Variants in FAM81A observed in about 807,000 individuals in gnomAD.
The protein encoded by FAM81A is family with sequence similarity 81 member A.
Under a neutral mutation model 46.7 loss-of-function variants are expected in FAM81A, and 19 were observed. The ratio of observed to expected loss-of-function variants is 0.41; its 90% CI spans 0.28 to 0.60. The LOEUF (loss-of-function observed/expected upper bound fraction) is 0.60. FAM81A is among the 20% of genes least tolerant of loss of function. The pLI is 0.34. For missense variants in FAM81A, 377 were observed against 453.5 expected (o/e 0.83, Z 1.53); for synonymous variants, 183 against 152.9 (o/e 1.20, Z -1.45).
intron 1 of FAM81A, among the ~76,000 whole-genome samples, chr15:59,399,477 C>G (rs1303954714): frequency 3.3e-5 from 5 of 152,034 alleles, no homozygotes; most frequent in Non-Finnish European, 7.4e-5. Context: ...AACATTGAAC[C>G]CAGCTGTAAG....
chr15:59,411,830 C>A (rs1162190341), intron 2 of FAM81A, among the ~76,000 whole-genome samples: 1 of 152,122 alleles, frequency 6.6e-6, no homozygotes, highest in Non-Finnish European at 1.5e-5. Flanking sequence ...AGGAGAGTCC[C>A]TTGAACCCAG....
intron 8 of FAM81A, 21 bp downstream of exon 8, chr15:59,516,861 C>T (rs760182660): frequency 1.1e-5 from 17 of 1,556,484 alleles, no homozygotes; most frequent in Non-Finnish European, 1.5e-5. Context: ...ACCAGAACAG[C>T]TCACGTGCTT....
At chr15:59,486,037 G>C (rs1423884673) in intron 3 of FAM81A, among the ~76,000 whole-genome samples, 1 of 152,182 alleles carries the variant, frequency 6.6e-6, no homozygotes, top group African/African-American at 2.4e-5. Flanking sequence ...AAATTAGCCA[G>C]GTGTGGTGGT....
chr15:59,411,558 C>G (rs114860930), intron 2 of FAM81A, among the ~76,000 whole-genome samples: 46 of 152,296 alleles, frequency 3.0e-4, no homozygotes, highest in African/African-American at 1.1e-3. Flanking sequence ...ACAAAAGTTT[C>G]AGAAACTTTC....
intron 2 of FAM81A, among the ~76,000 whole-genome samples, chr15:59,406,318 C>T (rs540533580): frequency 1.5e-4 from 23 of 152,286 alleles, no homozygotes; most frequent in African/African-American, 4.3e-4. Flanking sequence ...TTATGAGATA[C>T]GCACTATCAT....
rs5812977 is a variant in FAM81A, at chr15:59,430,254, C to CTT, written c.-78+27923_-78+27924dup. 2.8e-3 allele frequency among the ~76,000 whole-genome samples: 249 copies of CTT among 87,464 alleles called. 11 individuals carry two copies. The highest frequency in any genetic ancestry group is 8.2e-3 in the African/African-American group (173 of 21,196). The allele number at this position is 87,464 out of a possible 152,430, so 57.4% of individuals were successfully genotyped here. On this transcript the variant is annotated intron_variant, in intron 2 of 4. Coordinates refer to the FAM81A transcript ENST00000558348. Reference sequence around the variant, plus strand: ...GCACCAAATACACAGACCTATTTCCCTTTTTTTTTTTTTTTTTTTTTTTTT... The same window carrying CTT: ...GCACCAAATACACAGACCTATTTCCCTTTTTTTTTTTTTTTTTTTTTTTTTTT...
rs542818653 is a variant in FAM81A, at chr15:59,497,814, G to A, written c.413+5425G>A. On this transcript the variant is annotated intron_variant, in intron 4 of 8. Transcript: ENST00000288228. Reference sequence around the variant, plus strand: ...TCACTGCACTTCAACCAGGGTGACAGAGCAAGACCCTGTTTCAAAAAAAAT... The same window carrying A: ...TCACTGCACTTCAACCAGGGTGACAAAGCAAGACCCTGTTTCAAAAAAAAT... 2.0e-5 allele frequency among the ~76,000 whole-genome samples: 3 copies of A among 152,300 alleles called. No individual in the cohort carries two copies. The East Asian group carries it at 5.8e-4, about 29-fold the overall frequency.
chr15:59,402,751 A>G (rs28491525), intron 2 of FAM81A, among the ~76,000 whole-genome samples: 1 of 151,702 alleles, frequency 6.6e-6, no homozygotes, highest in Non-Finnish European at 1.5e-5. Flanking sequence ...ATGGGGTTTC[A>G]CCATGTTAGC....
intron 3 of FAM81A, among the ~76,000 whole-genome samples, chr15:59,476,294 C>A (rs2081767189): frequency 6.6e-6 from 1 of 151,282 alleles, no homozygotes; most frequent in Non-Finnish European, 1.5e-5. Context: ...ATGATCATGG[C>A]TCACTGCAGC....
upstream of FAM81A, chr15:59,438,116 G>T (rs2081256203): frequency 1.4e-5 from 2 of 146,212 alleles, 1 homozygote; most frequent in South Asian, 4.2e-4. Context: ...CCGCGAACCC[G>T]GCCGGGCCGC....
At chr15:59,492,054 G>A (rs1043368426) in intron 3 of FAM81A, among the ~76,000 whole-genome samples, 7 of 152,160 alleles carry the variant, frequency 4.6e-5, no homozygotes, top group African/African-American at 1.7e-4. Context: ...AGTTTTTAAT[G>A]GTAAATAAAG....
chr15:59,483,370 A>G (rs1438753645), intron 3 of FAM81A, among the ~76,000 whole-genome samples: 1 of 152,162 alleles, frequency 6.6e-6, no homozygotes, highest in Non-Finnish European at 1.5e-5. Flanking sequence ...CAGTGCCTCA[A>G]GCAGGTTTCC....
chr15:59,463,978 C>G (rs2081583210), intron 3 of FAM81A, among the ~76,000 whole-genome samples: 1 of 152,060 alleles, frequency 6.6e-6, no homozygotes, highest in South Asian at 2.1e-4. Flanking sequence ...TTCCCCCTAC[C>G]CATCCCATCC....
chr15:59,487,915 C>A (rs1406180881), intron 3 of FAM81A, among the ~76,000 whole-genome samples: 1 of 151,998 alleles, frequency 6.6e-6, no homozygotes, highest in East Asian at 1.9e-4. Flanking sequence ...GCCAGTATTA[C>A]CTTGGTACCA....
At chr15:59,424,131 C>T (rs1360264009) in intron 2 of FAM81A, among the ~76,000 whole-genome samples, 6 of 152,206 alleles carry the variant, frequency 3.9e-5, no homozygotes, top group African/African-American at 1.4e-4. Flanking sequence ...CTCCTTGTTG[C>T]CACGTTCATC....
chr15:59,458,640 A>G lies in FAM81A; in HGVS notation c.14A>G (p.His5Arg). Residue 5 changes from histidine to arginine, a missense_variant, in exon 2 of 9, where the codon CAT becomes CGT. Physicochemically the swap from His to Arg is conservative, Grantham distance 29 (BLOSUM62 0). Coordinates refer to ENST00000288228, the MANE Select transcript of FAM81A (RefSeq NM_152450.3). ...AAGGTATAATATATGGAAAATATGC[A>G]TCTAAGGTATACTTTTCCTTTCCAC... The part of the protein sequence containing the change: MENM[H>R]LRRVRTMPRH... The G allele has an allele frequency of 6.2e-7, 1 of 1,613,706 alleles. No homozygotes were observed. Among genetic ancestry groups the G allele is most frequent in the Non-Finnish European group, 8.5e-7 (1 of 1,179,598 alleles).
At chr15:59,411,812 G>T (rs1165309944) in intron 2 of FAM81A, among the ~76,000 whole-genome samples, 1 of 152,178 alleles carries the variant, frequency 6.6e-6, no homozygotes, top group Admixed American at 6.5e-5. Flanking sequence ...GAGTCTGGGG[G>T]CTGAGGCAGG....
intron 4 of FAM81A, among the ~76,000 whole-genome samples, chr15:59,493,836 C>T (rs28473089): frequency 0.029 from 4,413 of 152,226 alleles, 234 homozygotes; most frequent in African/African-American, 0.1. Context: ...GATCCGCCCA[C>T]CTCGGCCTCC....
intron 3 of FAM81A, among the ~76,000 whole-genome samples, chr15:59,484,017 A>G (rs1298755182): frequency 1.3e-5 from 2 of 152,134 alleles, no homozygotes; most frequent in Non-Finnish European, 2.9e-5. Flanking sequence ...TGTGCTTCCC[A>G]CTGGCTGCAC....
Sources: gnomAD v4.1 joint callset for allele counts (sites outside exome capture counted in the v4.1 genomes callset) on GRCh38, gnomAD v4.1.1 for gene constraint, MANE v1.5 for transcripts, NCBI Gene and HGNC (gene_info 2026-07-23, HGNC 2026-07-21) for gene names.